Variants in DOCK1 observed in about 807,000 individuals in gnomAD.
DOCK1 encodes dedicator of cytokinesis 1.
A neutral mutation model predicts 262.7 loss-of-function variants in DOCK1; 138 were observed. The observed-to-expected ratio is 0.53, with a 90% confidence interval of 0.46 to 0.61. The LOEUF (loss-of-function observed/expected upper bound fraction) is 0.61, where lower values mean the gene tolerates loss of function less well. Ranked by LOEUF, DOCK1 falls within the 20% of genes least tolerant of loss-of-function variation. The probability of loss-of-function intolerance (pLI) is 0.00; values close to 1 mark genes in which losing one functional copy is unlikely to be tolerated. For synonymous variants in DOCK1, 866 were observed against 867.4 expected (o/e 1.00, Z 0.03); for missense variants, 1,908 against 2,370.7 (o/e 0.80, Z 4.05).
chr10:127,291,291 C>G (rs2061337866), intron 29 of DOCK1, among the ~76,000 whole-genome samples: 1 of 152,176 alleles, frequency 6.6e-6, no homozygotes, highest in South Asian at 2.1e-4. Context: ...GTAGCAGGTG[C>G]CAGCTTCCTT....
Position 127,032,293 on chromosome 10 carries a change from G to T in DOCK1, c.1885G>T (p.Val629Leu), listed in dbSNP as rs750494984. The T allele has an allele frequency of 1.9e-6, 3 of 1,579,028 alleles. No individual in the cohort carries two copies. Among genetic ancestry groups the T allele is most frequent in the Non-Finnish European group, 2.6e-6 (3 of 1,165,178 alleles). The change falls in exon 18 of 52, where the codon GTG becomes TTG. Residue 629 changes from valine to leucine, a missense_variant. Transcript: ENST00000623213. Reference sequence around the variant, plus strand: ...GGACTCCTTCCAGATCTCCACGCTCGTGTGCTCCACCAAACTGACTCAGAA... The same window carrying T: ...GGACTCCTTCCAGATCTCCACGCTCTTGTGCTCCACCAAACTGACTCAGAA... ...SKDSFQISTL[V>L]CSTKLTQNVD...
At chr10:127,280,189 C>T (rs1229209295) in intron 29 of DOCK1, among the ~76,000 whole-genome samples, 2 of 151,434 alleles carry the variant, frequency 1.3e-5, no homozygotes, top group Non-Finnish European at 3.0e-5. Context: ...CACCCGCCAC[C>T]GCACCCGGCT....
At chr10:127,211,615 A>G (rs1320607905) in intron 27 of DOCK1, among the ~76,000 whole-genome samples, 2 of 152,198 alleles carry the variant, frequency 1.3e-5, no homozygotes, top group African/African-American at 4.8e-5. Context: ...GAAGACATTG[A>G]TTTTTTCTTC....
intron 32 of DOCK1, among the ~76,000 whole-genome samples, chr10:127,355,785 C>G (rs1348259832): frequency 6.6e-6 from 1 of 152,224 alleles, no homozygotes; most frequent in Admixed American, 6.5e-5. Flanking sequence ...AGCTGTGACT[C>G]CCTGCAGTGG....
At chr10:127,347,291 TGAC>T (rs922820735) in intron 31 of DOCK1, among the ~76,000 whole-genome samples, 6 of 152,096 alleles carry the variant, frequency 3.9e-5, no homozygotes, top group African/African-American at 1.5e-4. Context: ...ACAGACCTCG[TGAC>T]GAAGAAGGTC....
intron 27 of DOCK1, among the ~76,000 whole-genome samples, chr10:127,236,280 A>G (rs2134628680): frequency 6.6e-6 from 1 of 151,874 alleles, no homozygotes; most frequent in Non-Finnish European, 1.5e-5. Flanking sequence ...TTTTGAGTCA[A>G]TTTTTGTATA....
chr10:127,057,741 C>A (rs1183082563), intron 22 of DOCK1, among the ~76,000 whole-genome samples: 1 of 152,156 alleles, frequency 6.6e-6, no homozygotes. Context: ...GCCTTCTCTT[C>A]TGGGTTTCTT....
chr10:127,270,832 C>T (rs1457354167), intron 29 of DOCK1, among the ~76,000 whole-genome samples: 2 of 152,150 alleles, frequency 1.3e-5, no homozygotes, highest in Non-Finnish European at 2.9e-5. Flanking sequence ...ACTGATTTTT[C>T]TTTATCCAGT....
chr10:127,341,516 C>T (rs1184990083), intron 30 of DOCK1, among the ~76,000 whole-genome samples: 1 of 152,180 alleles, frequency 6.6e-6, no homozygotes, highest in Non-Finnish European at 1.5e-5. Context: ...TGAGGGAATA[C>T]TTTGCAGTAT....
At chr10:127,197,264 C>T (rs2057239132) in intron 27 of DOCK1, among the ~76,000 whole-genome samples, 1 of 152,194 alleles carries the variant, frequency 6.6e-6, no homozygotes, top group African/African-American at 2.4e-5. Flanking sequence ...AGAGCACACA[C>T]CACCCGTCAG....
At chr10:127,332,197 A>G (rs1266058218) in intron 29 of DOCK1, among the ~76,000 whole-genome samples, 1 of 152,080 alleles carries the variant, frequency 6.6e-6, no homozygotes, top group African/African-American at 2.4e-5. Context: ...CCAAGTGGGG[A>G]TGACACGGCC....
In DOCK1 at chr10:127,012,769, G is replaced by T. The variant is rs2041560678; in HGVS notation, c.1201+395G>T. Among the ~76,000 whole-genome samples, 2 of 151,746 alleles carry T rather than the reference G, an allele frequency of 1.3e-5. No individual in the cohort carries two copies. Among genetic ancestry groups the T allele is most frequent in the African/African-American group, 4.8e-5 (2 of 41,282 alleles). ...CTCCCCTGAGTTCTGTCATTTAAGT[G>T]ATTTCTCCGCCCCTACACTCCGCCT... is the stretch of plus-strand genomic sequence containing the variant. On this transcript the variant is annotated intron_variant, in intron 12 of 51. Coordinates refer to ENST00000623213, the MANE Select transcript of DOCK1 (RefSeq NM_001290223.2). This position sits in a 1 kb window ranked among gnomAD's most constrained non-coding sequence, Gnocchi z 4.0.
intron 28 of DOCK1, among the ~76,000 whole-genome samples, chr10:127,252,867 C>T (rs772646604): frequency 1.3e-4 from 20 of 152,068 alleles, no homozygotes; most frequent in African/African-American, 3.6e-4. Flanking sequence ...TTTGGCGATG[C>T]GGGCTCTTTT....
intron 23 of DOCK1, among the ~76,000 whole-genome samples, chr10:127,090,812 G>A (rs552655193): frequency 1.1e-4 from 16 of 152,116 alleles, no homozygotes; most frequent in Non-Finnish European, 1.8e-4. Flanking sequence ...TCATCCATGT[G>A]TTGGCACCCC....
intron 43 of DOCK1, among the ~76,000 whole-genome samples, chr10:127,413,296 G>A (rs1246562099): frequency 6.6e-6 from 1 of 152,240 alleles, no homozygotes; most frequent in African/African-American, 2.4e-5. Context: ...AGCCTCAGAG[G>A]CTATGCTTCT....
intron 23 of DOCK1, among the ~76,000 whole-genome samples, chr10:127,094,634 C>T (rs769687692): frequency 2.6e-5 from 4 of 152,228 alleles, no homozygotes; most frequent in Admixed American, 6.5e-5. Flanking sequence ...CTCGTTCCTG[C>T]ATCTTTCTTC....
At chr10:127,114,116 G>C (rs2049030617) in intron 25 of DOCK1, among the ~76,000 whole-genome samples, 1 of 152,154 alleles carries the variant, frequency 6.6e-6, no homozygotes, top group Non-Finnish European at 1.5e-5. Context: ...TGGAATCATT[G>C]TATTTCTTAC....
At chr10:127,132,181 G>A (rs2050365092) in intron 27 of DOCK1, among the ~76,000 whole-genome samples, 1 of 152,140 alleles carries the variant, frequency 6.6e-6, no homozygotes. Flanking sequence ...TTTATCTGTG[G>A]GATTTTACAA....
At chr10:126,997,687 T>C (rs2040309335) in intron 7 of DOCK1, 1 of 214,908 alleles carries the variant, frequency 4.7e-6, no homozygotes, top group South Asian at 8.1e-5. Flanking sequence ...AATTGAATCA[T>C]CTGTTAATTC....
Sources: gnomAD v4.1 joint callset for allele counts (sites outside exome capture counted in the v4.1 genomes callset) on GRCh38, gnomAD v4.1.1 for gene constraint, Gnocchi (gnomAD v3.1) non-coding constraint, MANE v1.5 for transcripts, NCBI Gene and HGNC (gene_info 2026-07-23, HGNC 2026-07-21) for gene names.